The following ECT2L variants were observed in gnomAD, a reference collection of about 807,000 sequenced individuals.
ECT2L encodes the protein epithelial cell transforming 2 like, also known as epithelial cell-transforming sequence 2 oncogene-like.
A neutral mutation model predicts 122.8 loss-of-function variants in ECT2L; 126 were observed. The observed-to-expected ratio is 1.03, with a 90% CI of 0.89 to 1.19. The LOEUF (loss-of-function observed/expected upper bound fraction) is 1.19. Among genes scored for constraint, ECT2L ranks in the 50% most tolerant of loss-of-function variants. The probability of loss-of-function intolerance (pLI) is 0.00; values close to 1 mark genes in which losing one functional copy is unlikely to be tolerated. For missense variants in ECT2L, 1,012 were observed against 1,064.1 expected (o/e 0.95, Z 0.68); for synonymous variants, 385 against 381.8 (o/e 1.01, Z -0.10).
rs562021803 is a variant in ECT2L, at chr6:138,868,495, T to A, written c.1578+289T>A. On this transcript the variant is annotated intron_variant, in intron 13 of 21. Coordinates refer to ENST00000541398, the MANE Select transcript of ECT2L (RefSeq NM_001077706.3). Reference sequence around the variant, plus strand: ...GTCAGAAGTGACTTTTTTTTTTTTTTAATAAAACATGTTAGTGGCTTTATA... The same window carrying A: ...GTCAGAAGTGACTTTTTTTTTTTTTAAATAAAACATGTTAGTGGCTTTATA... Among the ~76,000 whole-genome samples the A allele has an allele frequency of 5.3e-5, 8 of 151,336 alleles. No homozygotes were observed. In the East Asian group the frequency reaches 7.7e-4, roughly 15 times the overall value.
intron 13 of ECT2L, among the ~76,000 whole-genome samples, chr6:138,873,716 C>T (rs1336875243): frequency 6.6e-6 from 1 of 152,146 alleles, no homozygotes; most frequent in Non-Finnish European, 1.5e-5. Context: ...ATCCCTTGAA[C>T]TTGGGAGGCA....
intron 3 of ECT2L, among the ~76,000 whole-genome samples, chr6:138,814,029 T>G (rs977903518): frequency 6.6e-6 from 1 of 152,206 alleles, no homozygotes; most frequent in Non-Finnish European, 1.5e-5. Context: ...CTTACTTTCA[T>G]CTTGGTGGGT....
At chr6:138,888,885 T>C (rs1045506890) in intron 19 of ECT2L, 58 bp from the exon 20 acceptor site, 16 of 771,636 alleles carry the variant, frequency 2.1e-5, no homozygotes, top group African/African-American at 1.3e-4. Context: ...TGGTTTGCAG[T>C]AGTAATTTTA....
intron 20 of ECT2L, among the ~76,000 whole-genome samples, chr6:138,889,806 C>T (rs536849481): frequency 3.6e-4 from 55 of 152,306 alleles, no homozygotes; most frequent in African/African-American, 1.2e-3. Flanking sequence ...TGGAAGGATG[C>T]TAATTTTTAT....
Position 138,901,876 on chromosome 6 carries a change from A to G in ECT2L, c.2588-624A>G, listed in dbSNP as rs1014039663. Among the ~76,000 whole-genome samples the G allele has an allele frequency of 4.6e-5, 7 of 152,242 alleles. No individual in the cohort carries two copies. In the South Asian group the frequency reaches 6.2e-4, roughly 13 times the overall value. On this transcript the variant is annotated intron_variant, in intron 21 of 21. Coordinates refer to ENST00000541398, the MANE Select transcript of ECT2L (RefSeq NM_001077706.3). ...CCTTACAGAAGTACCAAACTAAATA[A>G]AAGGGCTATTTCCCAGTGGCTTTAG...
At chr6:138,852,998 C>T (rs148989772) in intron 9 of ECT2L, among the ~76,000 whole-genome samples, 3,833 of 152,180 alleles carry the variant, frequency 0.025, 138 homozygotes, top group African/African-American at 0.088. Context: ...GATGGAGTCT[C>T]GCTCTGTCGC....
intron 4 of ECT2L, among the ~76,000 whole-genome samples, chr6:138,836,797 TGATA>T (rs1776857308): frequency 6.6e-6 from 1 of 152,178 alleles, no homozygotes; most frequent in Non-Finnish European, 1.5e-5. Flanking sequence ...TTATATACTT[TGATA>T]CTCAAATTAT....
intron 4 of ECT2L, among the ~76,000 whole-genome samples, chr6:138,814,969 T>G (rs976449585): frequency 6.6e-6 from 1 of 152,232 alleles, no homozygotes; most frequent in African/African-American, 2.4e-5. Context: ...ATTAAATGAA[T>G]GGATGGATCT....
chr6:138,865,348 T>G (rs1395609565), intron 12 of ECT2L, among the ~76,000 whole-genome samples, 170 bp downstream of exon 12: 2 of 152,210 alleles, frequency 1.3e-5, no homozygotes, highest in Non-Finnish European at 1.5e-5. Context: ...GAACAACCAC[T>G]AACAACAAAT....
intron 4 of ECT2L, chr6:138,823,362 T>G: frequency 6.2e-7 from 1 of 1,606,332 alleles, no homozygotes; most frequent in South Asian, 1.1e-5. Flanking sequence ...GCTAGAGATC[T>G]GCATTGGATT....
intron 21 of ECT2L, among the ~76,000 whole-genome samples, chr6:138,901,585 G>C (rs1329030381): frequency 1.3e-5 from 2 of 152,122 alleles, no homozygotes; most frequent in Admixed American, 1.3e-4. Context: ...TTAAATAAAG[G>C]AATCAACAGA....
At chr6:138,864,851 A>G in intron 11 of ECT2L, 145 bp from the exon 12 acceptor site, 1 of 649,744 alleles carries the variant, frequency 1.5e-6, no homozygotes, top group Non-Finnish European at 2.4e-6. Context: ...AAAACAGAGG[A>G]TGGGTGTTTG....
At chr6:138,880,269 T>C (rs542000665) in intron 14 of ECT2L, among the ~76,000 whole-genome samples, 6 of 152,328 alleles carry the variant, frequency 3.9e-5, no homozygotes, top group East Asian at 3.9e-4. Context: ...AAGATCAAGA[T>C]GCTAACATCT....
intron 13 of ECT2L, among the ~76,000 whole-genome samples, chr6:138,874,610 C>T (rs1438931278): frequency 6.6e-6 from 1 of 152,138 alleles, no homozygotes; most frequent in Non-Finnish European, 1.5e-5. Context: ...TCCATGATGA[C>T]ACCTGAATTT....
chr6:138,841,810 G>T (rs1488435322), intron 5 of ECT2L, among the ~76,000 whole-genome samples: 1 of 152,096 alleles, frequency 6.6e-6, no homozygotes, highest in Non-Finnish European at 1.5e-5. Context: ...TCAAATAATT[G>T]TTTGTATAAT....
chr6:138,886,863 CA>C lies in ECT2L; in HGVS notation c.2270del (p.Asn757ThrfsTer4), dbSNP rs752353049. 1.2e-6 allele frequency: 2 copies of C among 1,613,076 alleles called. No individual in the cohort carries two copies. The highest frequency in any genetic ancestry group is 1.7e-6 in the Non-Finnish European group (2 of 1,179,494). On this transcript the variant is annotated frameshift_variant, in exon 19 of 22. Transcript: ENST00000541398. LOFTEE classifies it high-confidence loss of function. ...KYKGYIDQMK[Q>X]NITMKDHLSD... Reference sequence around the variant, plus strand: ...AGTACTTTTTTTCCCCTAGATGAAGCAAAACATCACTATGAAGGATCATCTG... The same window carrying C: ...AGTACTTTTTTTCCCCTAGATGAAGCAAACATCACTATGAAGGATCATCTG...
chr6:138,816,112 T>C (rs2128374929), intron 4 of ECT2L, among the ~76,000 whole-genome samples: 1 of 152,316 alleles, frequency 6.6e-6, no homozygotes, highest in East Asian at 1.9e-4. Context: ...CTATGTTTCT[T>C]TTTACTCCAA....
chr6:138,852,081 C>A (rs1372104906), intron 9 of ECT2L, among the ~76,000 whole-genome samples: 2 of 152,168 alleles, frequency 1.3e-5, no homozygotes, highest in Non-Finnish European at 2.9e-5. Flanking sequence ...GAGCCCACAG[C>A]AGCCTGGGCA....
chr6:138,892,643 G>A (rs1779069199), intron 20 of ECT2L, among the ~76,000 whole-genome samples: 1 of 152,086 alleles, frequency 6.6e-6, no homozygotes, highest in South Asian at 2.1e-4. Flanking sequence ...ACAGGCACGT[G>A]CCACCACGTC....
Sources: allele counts gnomAD v4.1 joint callset (sites outside exome capture counted in the v4.1 genomes callset), GRCh38; gene constraint gnomAD v4.1.1; transcripts MANE v1.5; gene names NCBI Gene and HGNC (gene_info 2026-07-23, HGNC 2026-07-21).